Variants in DNAJB14 observed in about 807,000 individuals in gnomAD.
The protein encoded by DNAJB14 is DnaJ heat shock protein family (Hsp40) member B14, also known as dnaJ homolog subfamily B member 14.
DNAJB14 carries 22 observed loss-of-function variants against 48.4 expected under a neutral mutation model. That is an observed-to-expected ratio of 0.45 (90% CI 0.32 to 0.65). DNAJB14 has a LOEUF of 0.65. Among genes scored for constraint, DNAJB14 ranks in the 30% least tolerant of loss-of-function variants. DNAJB14 has a pLI of 0.03. For missense variants in DNAJB14, 319 were observed against 458.8 expected (o/e 0.70, Z 2.78); for synonymous variants, 142 against 158.7 (o/e 0.89, Z 0.79).
intron 2 of DNAJB14, chr4:99,925,096 C>T: frequency 2.6e-6 from 1 of 385,404 alleles, no homozygotes; most frequent in Admixed American, 4.2e-5. Context: ...CCTTGAATAC[C>T]AAAATCTACA....
At chr4:99,933,521 C>A (rs1159128714) in intron 1 of DNAJB14, among the ~76,000 whole-genome samples, 1 of 151,962 alleles carries the variant, frequency 6.6e-6, no homozygotes, top group Non-Finnish European at 1.5e-5. Context: ...TGGTCTCAAA[C>A]TCCTGACTTC....
chr4:99,915,598 G>C (rs548136476), intron 3 of DNAJB14, among the ~76,000 whole-genome samples: 1 of 152,230 alleles, frequency 6.6e-6, no homozygotes, highest in Non-Finnish European at 1.5e-5. Flanking sequence ...GAACATACTT[G>C]TATGATTTCA....
At chr4:99,904,993 T>C (rs1395530159) in intron 6 of DNAJB14, among the ~76,000 whole-genome samples, 1 of 152,024 alleles carries the variant, frequency 6.6e-6, no homozygotes, top group Non-Finnish European at 1.5e-5. Flanking sequence ...GTAAAATCAC[T>C]GATTTTTATT....
intron 1 of DNAJB14, among the ~76,000 whole-genome samples, chr4:99,938,756 G>C (rs1212486577): frequency 6.6e-6 from 1 of 152,086 alleles, no homozygotes; most frequent in African/African-American, 2.4e-5. Context: ...TTTTCTGTAA[G>C]TTTGAAATTA....
At chr4:99,931,846 A>G (rs2110216585) in intron 1 of DNAJB14, among the ~76,000 whole-genome samples, 1 of 152,120 alleles carries the variant, frequency 6.6e-6, no homozygotes, top group East Asian at 1.9e-4. Context: ...GAAAAAACAA[A>G]ATAAAAAAAT....
chr4:99,917,162 TTATA>T (rs1022385025), intron 3 of DNAJB14, among the ~76,000 whole-genome samples: 1 of 152,150 alleles, frequency 6.6e-6, no homozygotes, highest in Non-Finnish European at 1.5e-5. Context: ...AAAAATTGCC[TTATA>T]TATTTTCTTT....
chr4:99,907,630 A>G (rs1436287977), intron 4 of DNAJB14, among the ~76,000 whole-genome samples: 2 of 152,064 alleles, frequency 1.3e-5, no homozygotes, highest in Non-Finnish European at 2.9e-5. Flanking sequence ...CTGAGCTATG[A>G]TTGCCCCAGT....
In DNAJB14 at chr4:99,923,148, C is replaced by T. The variant is rs1726121820; in HGVS notation, c.343G>A (p.Val115Ile). 1 of 1,612,346 alleles carries T rather than the reference C, an allele frequency of 6.2e-7. No homozygotes were observed. Among genetic ancestry groups the T allele is most frequent in the Admixed American group, 1.7e-5 (1 of 59,822 alleles). Residue 115 changes from valine to isoleucine, a missense_variant, in exon 3 of 8, where the codon GTT becomes ATT. Around this residue, in one of 3 missense-constraint regions of DNAJB14, gnomAD observed 37 missense variants for 87.8 expected, o/e 0.42. Coordinates refer to ENST00000442697, the MANE Select transcript of DNAJB14 (RefSeq NM_001031723.4). ...TCTTCATCACCAGCATCTTTCGTAA[C>T]TCCAAGTACTTCATAGTAATTTTTA... Reference protein sequence around the residue: ...KCKNYYEVLGVTKDAGDEDLK... With the variant: ...KCKNYYEVLGITKDAGDEDLK...
At position 99,935,838 on chromosome 4, in the gene DNAJB14, C is replaced by T. The variant is rs77179528; in HGVS notation, c.134-5217G>A. On this transcript the variant is annotated intron_variant, in intron 1 of 7. Transcript: ENST00000442697. ...ATCCCAGCACTTTAGGAGGCTGAGG[C>T]GGAGGGATCACTTGAGGTCAAGAAT... Among the ~76,000 whole-genome samples the T allele has an allele frequency of 9.0e-4, 137 of 152,214 alleles. No individual in the cohort carries two copies. In the East Asian group the frequency reaches 0.021, roughly 23 times the overall value.
intron 5 of DNAJB14, chr4:99,905,967 T>C: frequency 7.7e-7 from 1 of 1,300,422 alleles, no homozygotes; most frequent in Non-Finnish European, 9.8e-7. Flanking sequence ...TCTCTTTCTC[T>C]TTCCCGACTC....
chr4:99,940,975 T>C (rs1354620100), intron 1 of DNAJB14, among the ~76,000 whole-genome samples: 1 of 151,628 alleles, frequency 6.6e-6, no homozygotes, highest in African/African-American at 2.4e-5. Flanking sequence ...ACACTTGGGC[T>C]GATTATAGAA....
intron 2 of DNAJB14, chr4:99,924,715 T>C (rs1048469496): frequency 1.9e-6 from 3 of 1,608,354 alleles, no homozygotes; most frequent in Admixed American, 1.7e-5. Flanking sequence ...TTAGAAGCTA[T>C]GTGATAGAAA....
chr4:99,943,192 AAGT>A (rs1726942525), intron 1 of DNAJB14, among the ~76,000 whole-genome samples: 1 of 152,190 alleles, frequency 6.6e-6, no homozygotes, highest in African/African-American at 2.4e-5. Context: ...CAGAGGAGTT[AAGT>A]AATTTGTCAC....
At chr4:99,945,218 C>T (rs1277771484) in intron 1 of DNAJB14, among the ~76,000 whole-genome samples, 1 of 152,142 alleles carries the variant, frequency 6.6e-6, no homozygotes. Flanking sequence ...TAAACCACAA[C>T]TTAAAAAATT....
At chr4:99,926,743 A>C (rs376987017) in intron 2 of DNAJB14, 4 of 152,058 alleles carry the variant, frequency 2.6e-5, no homozygotes, top group Admixed American at 2.0e-4. Flanking sequence ...AGACAAACAA[A>C]AAAAAAAGGG....
chr4:99,901,830 A>G (rs931130707), intron 7 of DNAJB14, among the ~76,000 whole-genome samples: 4 of 152,122 alleles, frequency 2.6e-5, no homozygotes, highest in African/African-American at 9.7e-5. Flanking sequence ...AATACCTGTA[A>G]AGACTAGGAG....
At chr4:99,915,733 G>A (rs1011672469) in intron 3 of DNAJB14, among the ~76,000 whole-genome samples, 3 of 152,020 alleles carry the variant, frequency 2.0e-5, no homozygotes, top group Admixed American at 6.5e-5. Flanking sequence ...TATAAATGTT[G>A]ATTAGATCTT....
At chr4:99,939,528 T>C (rs1056381694) in intron 1 of DNAJB14, among the ~76,000 whole-genome samples, 1 of 151,446 alleles carries the variant, frequency 6.6e-6, no homozygotes, top group Non-Finnish European at 1.5e-5. Flanking sequence ...CACCTAGATT[T>C]TGGATATTGC....
chr4:99,914,411 G>A (rs926131867), intron 3 of DNAJB14, among the ~76,000 whole-genome samples: 1 of 151,988 alleles, frequency 6.6e-6, no homozygotes, highest in South Asian at 2.1e-4. Context: ...ACCAAACACC[G>A]CATGTTCTTA....
Sources: allele counts gnomAD v4.1 joint callset (sites outside exome capture counted in the v4.1 genomes callset), GRCh38; gene constraint gnomAD v4.1.1; regional missense constraint gnomAD v4.1.1; transcripts MANE v1.5; gene names NCBI Gene and HGNC (gene_info 2026-07-23, HGNC 2026-07-21).